Variants in FNBP4 observed in about 807,000 individuals in gnomAD.
FNBP4 encodes the protein formin binding protein 4.
FNBP4 carries 34 observed loss-of-function variants against 119.3 expected under a neutral mutation model. That is an observed-to-expected ratio of 0.28 (90% CI 0.22 to 0.38). The LOEUF (loss-of-function observed/expected upper bound fraction) is 0.38. Ranked by LOEUF, FNBP4 falls within the 10% of genes least tolerant of loss-of-function variation. The pLI, the probability that FNBP4 is intolerant of heterozygous loss-of-function variation, is 1.00. For missense variants in FNBP4, 1,112 were observed against 1,228.9 expected (o/e 0.90, Z 1.42); for synonymous variants, 462 against 430.6 (o/e 1.07, Z -0.90).
rs201160614 is a variant in FNBP4 at position 47,753,610 on chromosome 11, C to CA, written c.451-509dup. On this transcript the variant is annotated intron_variant, in intron 3 of 16. Coordinates refer to ENST00000263773, the MANE Select transcript of FNBP4 (RefSeq NM_015308.5). ...TGGGTGAAAGAGCAAGACTCTGTCTCAAAAAAAACAAAAAACAAAAAAAAA... is the reference window on the plus strand; with the variant it reads ...TGGGTGAAAGAGCAAGACTCTGTCTCAAAAAAAAACAAAAAACAAAAAAAAA... Among the ~76,000 whole-genome samples, 1,112 of 148,362 alleles carry CA rather than the reference C, an allele frequency of 7.5e-3. 14 individuals carry two copies. The highest frequency in any genetic ancestry group is 0.026 in the African/African-American group (1,066 of 40,348).
chr11:47,723,267 C>G lies in FNBP4; in HGVS notation c.2514G>C (p.Gln838His). 1 of 1,613,954 alleles carries G rather than the reference C, an allele frequency of 6.2e-7. No individual in the cohort carries two copies. The highest frequency in any genetic ancestry group is 8.5e-7 in the Non-Finnish European group (1 of 1,179,862). ...IGNQATGIGHQTIPVSLPAAG... is the reference protein window; with the variant it reads ...IGNQATGIGHHTIPVSLPAAG... ...CTGCTGGAAGGCTAACTGGTATTGT[C>G]TGATGTCCAATTCCTGTTGCCTGGT... Residue 838 changes from glutamine to histidine, a missense_variant, in exon 15 of 17, where the codon CAG becomes CAC. Around this residue, in one of 2 missense-constraint regions of FNBP4, gnomAD observed 826 missense variants for 988.8 expected, o/e 0.84. Transcript: ENST00000263773.
chr11:47,720,743 T>A (rs1450719089), intron 15 of FNBP4, among the ~76,000 whole-genome samples: 1 of 145,844 alleles, frequency 6.9e-6, no homozygotes, highest in East Asian at 2.0e-4. Context: ...TTTAAATAGA[T>A]GCAGTGTTCC....
chr11:47,730,620 C>T (rs1218494623), intron 12 of FNBP4, among the ~76,000 whole-genome samples: 1 of 152,218 alleles, frequency 6.6e-6, no homozygotes, highest in African/African-American at 2.4e-5. Flanking sequence ...TTAGAAACGA[C>T]TCATAGACTC....
chr11:47,743,566 A>T (rs1354839891), intron 8 of FNBP4, among the ~76,000 whole-genome samples: 2 of 152,170 alleles, frequency 1.3e-5, no homozygotes, highest in Non-Finnish European at 2.9e-5. Flanking sequence ...AAAATAGATT[A>T]AAAAATGCAG....
intron 12 of FNBP4, chr11:47,727,092 A>ATT (rs1390667827): frequency 6.6e-6 from 1 of 152,172 alleles, no homozygotes; most frequent in Non-Finnish European, 1.5e-5. Context: ...GAACTCAAGT[A>ATT]AACACAGAGT....
At chr11:47,766,997 C>T in intron 1 of FNBP4, 72 bp downstream of exon 1, 1 of 1,466,838 alleles carries the variant, frequency 6.8e-7, no homozygotes, top group Non-Finnish European at 8.9e-7. Context: ...CTCGCCGGGT[C>T]TGGCCAGGCG....
At chr11:47,724,288 T>C (rs2097558744) in intron 13 of FNBP4, 116 bp from the exon 14 acceptor site, 2 of 1,513,030 alleles carry the variant, frequency 1.3e-6, no homozygotes, top group African/African-American at 1.4e-5. Context: ...AGTGGTGAGA[T>C]CATGACTCAT....
Position 47,724,714 on chromosome 11 carries a change from T to C in FNBP4, c.2073A>G (p.Pro691=), listed in dbSNP as rs1412924653. ...VSSSSLMPLT[P]FWTLLQSNVP... is the part of the protein sequence containing the mutation. ...CATTTGACTGAAGGAGGGTCCAGAA[T>C]GGAGTAAGTGGCATGAGTGATGAAG... Residue 691 remains proline (P), a synonymous_variant, in exon 13 of 17, where the codon CCA becomes CCG. Transcript: ENST00000263773. The C allele has an allele frequency of 6.2e-7, 1 of 1,608,964 alleles. No individual in the cohort carries two copies. The highest frequency in any genetic ancestry group is 8.5e-7 in the Non-Finnish European group (1 of 1,176,726).
At chr11:47,741,705 A>G (rs554980111) in intron 8 of FNBP4, among the ~76,000 whole-genome samples, 12 of 151,966 alleles carry the variant, frequency 7.9e-5, no homozygotes, top group African/African-American at 2.9e-4. Context: ...AATCCCAGCT[A>G]CTCGGGCGGC....
chr11:47,729,912 G>GAAT (rs1565127637), intron 12 of FNBP4: 23 of 985,308 alleles, frequency 2.3e-5, no homozygotes, highest in Non-Finnish European at 2.5e-5. Flanking sequence ...AGAGGCTTAA[G>GAAT]AATATAACCT....
chr11:47,717,364 G>C lies in FNBP4; in HGVS notation c.*58C>G, dbSNP rs1196836190. ...TTTATTTGACAATAAAACTGGTTAA[G>C]ACTTTGAACTGAACACAAAACAAAC... is the stretch of plus-strand genomic sequence containing the variant. On this transcript the variant is annotated 3_prime_UTR_variant, in exon 17 of 17. Coordinates refer to ENST00000263773, the MANE Select transcript of FNBP4 (RefSeq NM_015308.5). 7.6e-6 allele frequency: 9 copies of C among 1,184,616 alleles called. No homozygotes were observed. 73.4% of individuals were successfully genotyped at this position (1,184,616 alleles called of 1,614,324 possible).
At chr11:47,722,099 C>T (rs1262154137) in intron 15 of FNBP4, among the ~76,000 whole-genome samples, 2 of 143,650 alleles carry the variant, frequency 1.4e-5, no homozygotes, top group African/African-American at 5.1e-5. Context: ...CTTATCTACT[C>T]CCAAGCCACC....
rs2097550941 is a variant in FNBP4, at chr11:47,717,267, C to T, written c.*155G>A. 2 of 576,820 alleles carry T rather than the reference C, an allele frequency of 3.5e-6. No individual in the cohort carries two copies. The highest frequency in any genetic ancestry group is 4.9e-5 in the South Asian group (2 of 41,060). The allele number at this position is 576,820 out of a possible 1,614,324, so 35.7% of individuals were successfully genotyped here. ...GCAAAAACAGAAAAATTACATTTCACAAAAGTGAAAACTTTGTATGCATAC... is the reference window on the plus strand; with the variant it reads ...GCAAAAACAGAAAAATTACATTTCATAAAAGTGAAAACTTTGTATGCATAC... On this transcript the variant is annotated 3_prime_UTR_variant, in exon 17 of 17. Transcript: ENST00000263773.
In FNBP4 at chr11:47,732,419, C is replaced by T. The variant is rs531796408; in HGVS notation, c.1820+118G>A. ...TTGCGGTGCTTTGCCTGCCCAGCAC[C>T]GCTAACTGCAGCTGCTCTCAGTCTC... On this transcript the variant is annotated intron_variant, in intron 11 of 16. Coordinates refer to ENST00000263773, the MANE Select transcript of FNBP4 (RefSeq NM_015308.5). The surrounding 1 kb of genome is among the most constrained non-coding windows in gnomAD (Gnocchi z 4.2). 5.8e-6 allele frequency: 9 copies of T among 1,547,352 alleles called. No individual in the cohort carries two copies. The highest frequency in any genetic ancestry group is 2.3e-5 in the East Asian group (1 of 44,304).
intron 6 of FNBP4, among the ~76,000 whole-genome samples, chr11:47,749,948 T>C (rs952639292): frequency 6.6e-6 from 1 of 152,180 alleles, no homozygotes; most frequent in African/African-American, 2.4e-5. Context: ...ACCTTTATAT[T>C]TTTAAAATGT....
In FNBP4 at chr11:47,767,229, C is replaced by T. The variant is rs777288182; in HGVS notation, c.60G>A (p.Pro20=). 2 of 1,569,952 alleles carry T rather than the reference C, an allele frequency of 1.3e-6. No homozygotes were observed. The highest frequency in any genetic ancestry group is 1.7e-6 in the Non-Finnish European group (2 of 1,164,934). ...GGCCCGGCGTGCTGCCCCGAGGACC[C>T]GGCGGAGAGAGTTGCAGGATGGGCC... ...GRRPILQLSP[P]GPRGSTPGRD... The change falls in exon 1 of 17, where the codon CCG becomes CCA. Residue 20 remains proline, a synonymous_variant. Transcript: ENST00000263773.
chr11:47,731,688 C>T, intron 11 of FNBP4, 127 bp from the exon 12 acceptor site: 2 of 1,425,566 alleles, frequency 1.4e-6, no homozygotes, highest in Middle Eastern at 2.1e-4. Flanking sequence ...CTGCTATTCA[C>T]AAAGGCAACA....
intron 12 of FNBP4, chr11:47,729,647 C>G: frequency 1.0e-6 from 1 of 960,146 alleles, no homozygotes; most frequent in Non-Finnish European, 1.2e-6. Context: ...ACAGCTCGGA[C>G]TACAGGCGTG....
intron 2 of FNBP4, among the ~76,000 whole-genome samples, chr11:47,757,447 C>T (rs1251325366): frequency 2.0e-5 from 3 of 152,020 alleles, no homozygotes; most frequent in Admixed American, 6.6e-5. Context: ...CTCCTGACCT[C>T]GTGACCCGCC....
Sources: allele counts gnomAD v4.1 joint callset (sites outside exome capture counted in the v4.1 genomes callset), GRCh38; gene constraint gnomAD v4.1.1; regional missense constraint gnomAD v4.1.1; non-coding constraint Gnocchi (gnomAD v3.1); transcripts MANE v1.5; gene names NCBI Gene and HGNC (gene_info 2026-07-23, HGNC 2026-07-21).